The following SORCS2 variants were observed in gnomAD, a reference collection of about 807,000 sequenced individuals.
The protein encoded by SORCS2 is sortilin related VPS10 domain containing receptor 2.
In SORCS2, 100 loss-of-function variants were observed where a neutral mutation model predicts 141.6. That is an observed-to-expected ratio of 0.71 (90% confidence interval 0.60 to 0.83). The LOEUF (loss-of-function observed/expected upper bound fraction) is 0.83, where lower values mean the gene tolerates loss of function less well. Ranked by LOEUF, SORCS2 falls within the 40% of genes least tolerant of loss-of-function variation. The pLI, the probability that SORCS2 is intolerant of heterozygous loss-of-function variation, is 0.00. For synonymous variants in SORCS2, 789 were observed against 676.9 expected (o/e 1.17, Z -2.57); for missense variants, 1,646 against 1,560.2 (o/e 1.05, Z -0.93).
chr4:7,241,591 G>T (rs1661521416), intron 1 of SORCS2, among the ~76,000 whole-genome samples: 1 of 152,150 alleles, frequency 6.6e-6, no homozygotes, highest in Admixed American at 6.5e-5. Context: ...TGCCCTTCTG[G>T]GGTGCATGGT....
chr4:7,417,543 C>G (rs1725780113), intron 2 of SORCS2, among the ~76,000 whole-genome samples: 1 of 152,170 alleles, frequency 6.6e-6, no homozygotes, highest in African/African-American at 2.4e-5. Context: ...TGACCTTGGG[C>G]AAGTCTTCTG....
chr4:7,216,785 C>G (rs1165507320), intron 1 of SORCS2, among the ~76,000 whole-genome samples: 1 of 152,174 alleles, frequency 6.6e-6, no homozygotes, highest in African/African-American at 2.4e-5. Context: ...CAAGGGAACC[C>G]ATGCACAGGT....
intron 12 of SORCS2, among the ~76,000 whole-genome samples, chr4:7,700,052 A>G (rs1577090036): frequency 1.3e-5 from 2 of 152,088 alleles, no homozygotes; most frequent in African/African-American, 4.8e-5. Context: ...GTGTGCCCCC[A>G]GGGCTCCCGC....
intron 3 of SORCS2, among the ~76,000 whole-genome samples, chr4:7,534,325 C>T (rs893796127): frequency 1.4e-4 from 19 of 139,470 alleles, no homozygotes; most frequent in Non-Finnish European, 2.5e-4. Flanking sequence ...CCAGCTCTGC[C>T]AGGTCCCCCC....
chr4:7,619,611 G>A (rs999687420), intron 3 of SORCS2, among the ~76,000 whole-genome samples: 9 of 152,284 alleles, frequency 5.9e-5, no homozygotes, highest in African/African-American at 2.2e-4. Context: ...TGGAGAAGCG[G>A]CCCTGCCTCC....
intron 4 of SORCS2, among the ~76,000 whole-genome samples, chr4:7,642,810 C>T (rs775733772): frequency 1.2e-4 from 18 of 152,252 alleles, no homozygotes; most frequent in Non-Finnish European, 2.5e-4. Context: ...CGTCCCCATA[C>T]GACTCTTATG....
chr4:7,542,389 G>A (rs1458091070), intron 3 of SORCS2, among the ~76,000 whole-genome samples: 1 of 152,088 alleles, frequency 6.6e-6, no homozygotes, highest in East Asian at 1.9e-4. Context: ...CAACATGACT[G>A]GTATTTTTAT....
At chr4:7,471,090 G>A (rs1729947891) in intron 2 of SORCS2, among the ~76,000 whole-genome samples, 1 of 152,176 alleles carries the variant, frequency 6.6e-6, no homozygotes, top group Admixed American at 6.5e-5. Flanking sequence ...GAACAGCTAG[G>A]GAAAGGCAAG....
intron 2 of SORCS2, among the ~76,000 whole-genome samples, chr4:7,512,669 C>G (rs1560345512): frequency 6.6e-6 from 1 of 151,798 alleles, no homozygotes; most frequent in Non-Finnish European, 1.5e-5. Flanking sequence ...CCACCATACC[C>G]CTCCCCGCCC....
chr4:7,386,207 A>G (rs374004198), intron 1 of SORCS2, among the ~76,000 whole-genome samples: 1,094 of 104,544 alleles, frequency 0.01, 23 homozygotes, highest in African/African-American at 0.044. Flanking sequence ...ACACATTTGC[A>G]CACACGCACA....
At chr4:7,271,925 C>T (rs1244525120) in intron 1 of SORCS2, among the ~76,000 whole-genome samples, 15 of 152,194 alleles carry the variant, frequency 9.9e-5, no homozygotes, top group African/African-American at 3.6e-4. Flanking sequence ...TCTGGGTGTT[C>T]GCTAAGGAGT....
In SORCS2 at chr4:7,390,165, A is replaced by C. The variant is rs564297438; in HGVS notation, c.481-6123A>C. 3.3e-5 allele frequency among the ~76,000 whole-genome samples: 5 copies of C among 152,190 alleles called. No homozygotes were observed. In the East Asian group the frequency reaches 9.7e-4, roughly 29 times the overall value. On this transcript the variant is annotated intron_variant, in intron 1 of 26. Coordinates refer to ENST00000507866, the MANE Select transcript of SORCS2 (RefSeq NM_020777.3). ...CTGACCTTAAGTTCTCCCTTTTTCA[A>C]TGGGGTATTGATTTTGGAGTTGGCA...
intron 11 of SORCS2, among the ~76,000 whole-genome samples, chr4:7,694,081 AGT>A (rs1431178972): frequency 6.6e-6 from 1 of 152,184 alleles, no homozygotes; most frequent in Non-Finnish European, 1.5e-5. Context: ...TCCTTGGTGA[AGT>A]GTGGGTGGGG....
chr4:7,507,481 T>C (rs1186812757), intron 2 of SORCS2, among the ~76,000 whole-genome samples: 5 of 152,196 alleles, frequency 3.3e-5, no homozygotes, highest in Non-Finnish European at 2.9e-5. Flanking sequence ...GCCGATAAAT[T>C]CTTTTAAAGT....
intron 1 of SORCS2, among the ~76,000 whole-genome samples, chr4:7,215,648 A>G (rs1378545023): frequency 6.6e-6 from 1 of 152,182 alleles, no homozygotes; most frequent in Non-Finnish European, 1.5e-5. Flanking sequence ...TTGTAAATAC[A>G]CCAATCGGCA....
At position 7,215,006 on chromosome 4, in the gene SORCS2, TG is replaced by T. The variant is rs1728243661; in HGVS notation, c.480+21881del. 2.6e-5 allele frequency among the ~76,000 whole-genome samples: 4 copies of T among 152,254 alleles called. No individual in the cohort carries two copies. In the South Asian group the frequency reaches 8.3e-4, roughly 32 times the overall value. On this transcript the variant is annotated intron_variant, in intron 1 of 26. Transcript: ENST00000507866. Reference sequence around the variant, plus strand: ...CCTCGCTTGCTCTCGGTGCGTCCTCTGCCTGGGCTCCCACTTTGGCGGCACT... The same window carrying T: ...CCTCGCTTGCTCTCGGTGCGTCCTCTCCTGGGCTCCCACTTTGGCGGCACT...
intron 2 of SORCS2, among the ~76,000 whole-genome samples, chr4:7,456,021 A>C (rs1728893204): frequency 6.6e-6 from 1 of 152,068 alleles, no homozygotes; most frequent in Non-Finnish European, 1.5e-5. Flanking sequence ...AGGTGTAGGC[A>C]GGGTTGGTTT....
At chr4:7,469,110 G>C (rs1012034177) in intron 2 of SORCS2, among the ~76,000 whole-genome samples, 2 of 138,514 alleles carry the variant, frequency 1.4e-5, no homozygotes, top group African/African-American at 7.0e-5. Context: ...TGATGGTGGT[G>C]GTGGTGATGG....
At chr4:7,370,374 C>T (rs1419653756) in intron 1 of SORCS2, among the ~76,000 whole-genome samples, 1 of 152,250 alleles carries the variant, frequency 6.6e-6, no homozygotes, top group South Asian at 2.1e-4. Context: ...GCGTGCGGCT[C>T]GGCTCTGCAG....
Sources: gnomAD v4.1 joint callset for allele counts (sites outside exome capture counted in the v4.1 genomes callset) on GRCh38, gnomAD v4.1.1 for gene constraint, MANE v1.5 for transcripts, NCBI Gene and HGNC (gene_info 2026-07-23, HGNC 2026-07-21) for gene names.